The following SORCS2 variants were observed in gnomAD, a reference collection of about 807,000 sequenced individuals.
The protein encoded by SORCS2 is VPS10 domain-containing receptor SorCS2.
SORCS2 carries 100 observed loss-of-function variants against 141.6 expected under a neutral mutation model. That is an observed-to-expected ratio of 0.71 (90% CI 0.60 to 0.83). The LOEUF is 0.83. SORCS2 is among the 40% of genes least tolerant of loss of function. The probability of loss-of-function intolerance (pLI) is 0.00; values close to 1 mark genes in which losing one functional copy is unlikely to be tolerated. For missense variants in SORCS2, 1,646 were observed against 1,560.2 expected (o/e 1.05, Z -0.93); for synonymous variants, 789 against 676.9 (o/e 1.17, Z -2.57).
intron 1 of SORCS2, among the ~76,000 whole-genome samples, chr4:7,327,543 T>A (rs781651594): frequency 6.6e-6 from 1 of 152,250 alleles, no homozygotes; most frequent in African/African-American, 2.4e-5. Context: ...GCACTCAGCC[T>A]CCTGACCAGA....
intron 3 of SORCS2, among the ~76,000 whole-genome samples, chr4:7,531,986 T>G (rs930657850): frequency 1.3e-5 from 2 of 152,246 alleles, no homozygotes; most frequent in Non-Finnish European, 2.9e-5. Flanking sequence ...CGGAAGGCAG[T>G]GCTGAGCAGG....
In SORCS2 at chr4:7,689,465, C is replaced by A. The variant is rs1438257779; in HGVS notation, c.1489-21C>A. The A allele has an allele frequency of 3.2e-6, 5 of 1,570,602 alleles. No homozygotes were observed. The East Asian group carries it at 1.2e-4, about 37-fold the overall frequency. On this transcript the variant is annotated intron_variant, in intron 10 of 26. Transcript: ENST00000507866. ...GCTCCTACTCATGTGTTGACAGTTGCGTCCTTTCTCTTCCTTGCAGCCAGA... is the reference window on the plus strand; with the variant it reads ...GCTCCTACTCATGTGTTGACAGTTGAGTCCTTTCTCTTCCTTGCAGCCAGA...
intron 8 of SORCS2, among the ~76,000 whole-genome samples, chr4:7,668,239 G>A (rs13135612): frequency 0.053 from 8,013 of 152,242 alleles, 247 homozygotes; most frequent in Middle Eastern, 0.082. Context: ...GAAGGGAACA[G>A]GAGGGAGAGA....
Position 7,437,057 on chromosome 4 carries a change from C to T in SORCS2, c.548+40702C>T, listed in dbSNP as rs527480763. 4.3e-4 allele frequency among the ~76,000 whole-genome samples: 65 copies of T among 152,246 alleles called. No individual in the cohort carries two copies. The East Asian group carries it at 5.0e-3, about 12-fold the overall frequency. On this transcript the variant is annotated intron_variant, in intron 2 of 26. Coordinates refer to ENST00000507866, the MANE Select transcript of SORCS2 (RefSeq NM_020777.3). ...AACACCAACGACCGATTCTTACAGA[C>T]GCCAACTGGGAGCCCTGTAATTCCT...
At chr4:7,554,461 C>T (rs932101993) in intron 3 of SORCS2, among the ~76,000 whole-genome samples, 1 of 152,180 alleles carries the variant, frequency 6.6e-6, no homozygotes, top group Non-Finnish European at 1.5e-5. Flanking sequence ...CTCATTGGCC[C>T]TCCCCCAGAG....
intron 1 of SORCS2, among the ~76,000 whole-genome samples, chr4:7,345,125 G>A (rs1354583836): frequency 3.3e-5 from 5 of 152,162 alleles, no homozygotes; most frequent in African/African-American, 7.2e-5. Context: ...AATGTCACTC[G>A]TACTATGCTG....
At chr4:7,279,420 T>G (rs542887317) in intron 1 of SORCS2, among the ~76,000 whole-genome samples, 3 of 152,346 alleles carry the variant, frequency 2.0e-5, no homozygotes, top group Admixed American at 2.0e-4. Context: ...AGAGCCTTCC[T>G]GAACCGGATG....
intron 1 of SORCS2, among the ~76,000 whole-genome samples, chr4:7,359,987 A>G (rs1721483140): frequency 6.6e-6 from 1 of 152,234 alleles, no homozygotes; most frequent in African/African-American, 2.4e-5. Context: ...TAGAGGTCAC[A>G]GTCGCTGTCA....
At chr4:7,486,881 C>A (rs1731022400) in intron 2 of SORCS2, among the ~76,000 whole-genome samples, 3 of 152,234 alleles carry the variant, frequency 2.0e-5, no homozygotes, top group Admixed American at 6.5e-5. Flanking sequence ...TCATTAAGAT[C>A]TTTAACTTAA....
intron 3 of SORCS2, among the ~76,000 whole-genome samples, chr4:7,623,570 G>A (rs889559952): frequency 6.6e-6 from 1 of 152,070 alleles, no homozygotes; most frequent in African/African-American, 2.4e-5. Flanking sequence ...TGCCCGACCT[G>A]TGGCATCCAG....
intron 2 of SORCS2, chr4:7,434,816 CTG>C: frequency 6.2e-7 from 1 of 1,605,044 alleles, no homozygotes; most frequent in Non-Finnish European, 8.5e-7. Context: ...TCCTGGGGGC[CTG>C]AGGTGGGGCT....
chr4:7,439,541 A>ACC (rs1438886201), intron 2 of SORCS2, among the ~76,000 whole-genome samples: 1 of 152,230 alleles, frequency 6.6e-6, no homozygotes, highest in Admixed American at 6.5e-5. Context: ...CAAGGGGCAG[A>ACC]ATGGTCCTGA....
chr4:7,234,424 C>T (rs969233395), intron 1 of SORCS2, among the ~76,000 whole-genome samples: 5 of 152,264 alleles, frequency 3.3e-5, no homozygotes, highest in African/African-American at 1.2e-4. Context: ...TGAATTGCAT[C>T]CTGTGCTGTG....
In SORCS2 at chr4:7,233,562, G is replaced by A. The variant is rs1264142789; in HGVS notation, c.480+40436G>A. On this transcript the variant is annotated intron_variant, in intron 1 of 26. Coordinates refer to ENST00000507866, the MANE Select transcript of SORCS2 (RefSeq NM_020777.3). This position sits in a 1 kb window ranked among gnomAD's most constrained non-coding sequence, Gnocchi z 4.5. ...CTGGCAGCTGTGGTGGTGGGTGGAC[G>A]GGGTGGGTGCTGGGACGAGGACTCA... 3.3e-5 allele frequency among the ~76,000 whole-genome samples: 5 copies of A among 152,166 alleles called. No individual in the cohort carries two copies. Among genetic ancestry groups the A allele is most frequent in the Admixed American group, 1.3e-4 (2 of 15,280 alleles).
At chr4:7,291,069 C>G (rs1204870373) in intron 1 of SORCS2, among the ~76,000 whole-genome samples, 1 of 152,110 alleles carries the variant, frequency 6.6e-6, no homozygotes, top group East Asian at 1.9e-4. Context: ...CTAAGTGGAG[C>G]ACAGGGCATG....
chr4:7,555,056 C>A (rs28390130), intron 3 of SORCS2, among the ~76,000 whole-genome samples: 189 of 152,098 alleles, frequency 1.2e-3, no homozygotes, highest in African/African-American at 4.3e-3. Context: ...GGGAGCAGCA[C>A]TGTCCACAAG....
chr4:7,599,648 T>C (rs1717523552), intron 3 of SORCS2, among the ~76,000 whole-genome samples: 1 of 152,126 alleles, frequency 6.6e-6, no homozygotes, highest in South Asian at 2.1e-4. Flanking sequence ...CTTCCTGTGA[T>C]TCTGGCACAG....
intron 3 of SORCS2, among the ~76,000 whole-genome samples, chr4:7,580,752 A>T (rs1005253256): frequency 8.5e-5 from 13 of 152,168 alleles, no homozygotes; most frequent in African/African-American, 2.9e-4. Flanking sequence ...GTGTGGCAAG[A>T]ATATGAATCC....
At chr4:7,665,191 G>A (rs947631039) in intron 7 of SORCS2, among the ~76,000 whole-genome samples, 6 of 152,166 alleles carry the variant, frequency 3.9e-5, no homozygotes, top group South Asian at 4.1e-4. Context: ...AAGGGCCTCC[G>A]TGCTTCCCAG....
Sources: gnomAD v4.1 joint callset for allele counts (sites outside exome capture counted in the v4.1 genomes callset) on GRCh38, gnomAD v4.1.1 for gene constraint, Gnocchi (gnomAD v3.1) non-coding constraint, MANE v1.5 for transcripts, NCBI Gene and HGNC (gene_info 2026-07-23, HGNC 2026-07-21) for gene names.